Variants in SOX5 observed in about 807,000 individuals in gnomAD.
The protein encoded by SOX5 is SRY-box transcription factor 5, also known as transcription factor SOX-5.
Under a neutral mutation model 92.0 loss-of-function variants are expected in SOX5, and 9 were observed. That is an observed-to-expected ratio of 0.10 (90% confidence interval 0.06 to 0.17). SOX5 has a LOEUF of 0.17. Among genes scored for constraint, SOX5 ranks in the 10% least tolerant of loss-of-function variants. SOX5 has a pLI of 1.00. For synonymous variants in SOX5, 344 were observed against 336.3 expected (o/e 1.02, Z -0.25); for missense variants, 642 against 944.5 (o/e 0.68, Z 4.20).
At chr12:23,582,248 C>G (rs1221665572) in intron 9 of SOX5, 2 of 984,812 alleles carry the variant, frequency 2.0e-6, no homozygotes, top group Non-Finnish European at 2.4e-6. Flanking sequence ...CTCTCCTACC[C>G]AAATAAGGCA....
chr12:23,833,669 C>A (rs543024713), intron 3 of SOX5, among the ~76,000 whole-genome samples: 1 of 151,952 alleles, frequency 6.6e-6, no homozygotes, highest in East Asian at 1.9e-4. Flanking sequence ...ATTAAAATAT[C>A]TTGCTTTATG....
chr12:23,663,552 T>C (rs1339911157), intron 7 of SOX5, among the ~76,000 whole-genome samples: 1 of 152,204 alleles, frequency 6.6e-6, no homozygotes, highest in African/African-American at 2.4e-5. Flanking sequence ...AAAAACTTTT[T>C]TGTTTTATTG....
At chr12:23,987,170 A>T (rs752930639) in intron 4 of SOX5, among the ~76,000 whole-genome samples, 1 of 152,206 alleles carries the variant, frequency 6.6e-6, no homozygotes, top group African/African-American at 2.4e-5. Context: ...AAACTACATA[A>T]ATAAGCCAGA....
At chr12:23,900,738 G>A (rs2097221369) in intron 1 of SOX5, among the ~76,000 whole-genome samples, 1 of 152,106 alleles carries the variant, frequency 6.6e-6, no homozygotes, top group Non-Finnish European at 1.5e-5. Flanking sequence ...CACTCTGGGA[G>A]GCTGAGATGG....
chr12:24,247,399 G>A lies in SOX5; in HGVS notation c.-77+29817C>T, dbSNP rs373892979. ...GTGTGGCTTAAAATGAAATCAGTTC[G>A]AGGACTAGGAGTTCTTGCAGCACAG... On this transcript the variant is annotated intron_variant, in intron 3 of 4. Transcript: ENST00000446891. 1.1e-4 allele frequency among the ~76,000 whole-genome samples: 17 copies of A among 152,214 alleles called. No individual in the cohort carries two copies. In the East Asian group the frequency reaches 1.7e-3, roughly 16 times the overall value.
At chr12:24,429,422 A>G (rs953014417) in intron 1 of SOX5, among the ~76,000 whole-genome samples, 4 of 152,156 alleles carry the variant, frequency 2.6e-5, no homozygotes, top group Non-Finnish European at 5.9e-5. Context: ...ATTCATTTTT[A>G]TTAGAATGGT....
At chr12:24,092,349 CACAAACG>C (rs1258780773) in intron 4 of SOX5, among the ~76,000 whole-genome samples, 1 of 151,968 alleles carries the variant, frequency 6.6e-6, no homozygotes, top group Non-Finnish European at 1.5e-5. Context: ...TTAAAGATCC[CACAAACG>C]GAGACTCTCC....
At chr12:23,541,828 C>A (rs1266129088) in intron 13 of SOX5, among the ~76,000 whole-genome samples, 1 of 152,074 alleles carries the variant, frequency 6.6e-6, no homozygotes, top group Admixed American at 6.5e-5. Flanking sequence ...TAAAAACATA[C>A]GGCCGGGCGT....
intron 1 of SOX5, among the ~76,000 whole-genome samples, chr12:24,555,932 G>A (rs562631435): frequency 3.9e-5 from 6 of 152,278 alleles, no homozygotes; most frequent in South Asian, 4.2e-4. Context: ...ACTTAGGCAC[G>A]GAGGCCATGC....
At chr12:23,747,012 T>A (rs1175967565) in intron 4 of SOX5, among the ~76,000 whole-genome samples, 9 of 152,132 alleles carry the variant, frequency 5.9e-5, no homozygotes, top group African/African-American at 1.2e-4. Flanking sequence ...CTGTGAGGCC[T>A]CCACAGCCAT....
intron 13 of SOX5, among the ~76,000 whole-genome samples, chr12:23,538,101 C>T (rs1225675791): frequency 1.3e-5 from 2 of 152,146 alleles, no homozygotes; most frequent in Non-Finnish European, 2.9e-5. Flanking sequence ...CAAATGTCAT[C>T]TAAGTAAGAT....
chr12:23,818,349 T>G (rs1387262077), intron 3 of SOX5, among the ~76,000 whole-genome samples: 1 of 152,186 alleles, frequency 6.6e-6, no homozygotes, highest in Admixed American at 6.6e-5. Flanking sequence ...GTAACACGAC[T>G]GTAAGTATTT....
chr12:24,438,745 A>G (rs1051155604), intron 1 of SOX5, among the ~76,000 whole-genome samples: 1 of 152,226 alleles, frequency 6.6e-6, no homozygotes, highest in Non-Finnish European at 1.5e-5. Flanking sequence ...CTGAAGATGC[A>G]ACTGAATTGC....
intron 2 of SOX5, among the ~76,000 whole-genome samples, chr12:24,308,243 C>T (rs1048659917): frequency 1.3e-5 from 2 of 152,164 alleles, no homozygotes; most frequent in Non-Finnish European, 2.9e-5. Flanking sequence ...TGGCAGGCCA[C>T]TGTGCATGCG....
At chr12:23,892,462 T>C (rs1206897211) in intron 2 of SOX5, among the ~76,000 whole-genome samples, 1 of 152,170 alleles carries the variant, frequency 6.6e-6, no homozygotes, top group East Asian at 1.9e-4. Flanking sequence ...GATTTTTCTT[T>C]TGCTAAGAAA....
chr12:23,655,305 G>A (rs1019980119), intron 7 of SOX5, among the ~76,000 whole-genome samples: 1 of 151,926 alleles, frequency 6.6e-6, no homozygotes, highest in Admixed American at 6.6e-5. Flanking sequence ...ATCATTTAAG[G>A]TATTGCACAA....
intron 4 of SOX5, among the ~76,000 whole-genome samples, chr12:23,962,203 A>G (rs1947023340): frequency 1.4e-5 from 2 of 145,350 alleles, no homozygotes; most frequent in South Asian, 4.4e-4. Flanking sequence ...AACAAACACC[A>G]CAAAGAGTTA....
At chr12:24,045,179 C>T (rs1956878916) in intron 4 of SOX5, among the ~76,000 whole-genome samples, 1 of 152,142 alleles carries the variant, frequency 6.6e-6, no homozygotes, top group Admixed American at 6.5e-5. Context: ...CAAGTCTCCA[C>T]CCCTGACTAG....
chr12:23,594,925 G>T (rs1952128430), intron 9 of SOX5, among the ~76,000 whole-genome samples: 1 of 152,078 alleles, frequency 6.6e-6, no homozygotes, highest in South Asian at 2.1e-4. Context: ...TTCAGAGAGG[G>T]CTTCCCTTAA....
Sources: gnomAD v4.1 joint callset for allele counts (sites outside exome capture counted in the v4.1 genomes callset) on GRCh38, gnomAD v4.1.1 for gene constraint, MANE v1.5 for transcripts, NCBI Gene and HGNC (gene_info 2026-07-23, HGNC 2026-07-21) for gene names.